The following CADM2 variants were observed in gnomAD, a reference collection of about 807,000 sequenced individuals.
CADM2 encodes cell adhesion molecule 2.
CADM2 carries 12 observed loss-of-function variants against 49.8 expected under a neutral mutation model. That is an observed-to-expected ratio of 0.24 (90% CI 0.15 to 0.39). The LOEUF (loss-of-function observed/expected upper bound fraction) is 0.39. CADM2 is among the 10% of genes least tolerant of loss of function. CADM2 has a pLI of 1.00. For synonymous variants in CADM2, 214 were observed against 175.4 expected, an observed-to-expected ratio of 1.22 and a Z score of -1.74; for missense variants, 378 against 492.3, an observed-to-expected ratio of 0.77 and a Z score of 2.20.
Position 86,013,194 on chromosome 3 carries a change from A to G in CADM2, c.970+51547A>G, listed in dbSNP as rs1020426365. ...AGACGAAATCAGGACTGAAACAGAA[A>G]AACATTGATGAAACTTCTGAGCAGG... On this transcript the variant is annotated intron_variant, in intron 8 of 9. Transcript: ENST00000383699. 5 of 1,376,964 alleles carry G rather than the reference A, an allele frequency of 3.6e-6. No homozygotes were observed. The African/African-American group carries it at 7.2e-5, about 20-fold the overall frequency. 85.3% of individuals were successfully genotyped at this position (1,376,964 alleles called of 1,614,324 possible).
intron 1 of CADM2, among the ~76,000 whole-genome samples, chr3:85,004,377 A>G (rs2033622981): frequency 6.6e-6 from 1 of 152,166 alleles, no homozygotes; most frequent in Non-Finnish European, 1.5e-5. Flanking sequence ...ATATTCACAA[A>G]GTACTTTTTT....
chr3:85,470,827 T>C (rs941475193), intron 1 of CADM2, among the ~76,000 whole-genome samples: 1 of 152,128 alleles, frequency 6.6e-6, no homozygotes. Flanking sequence ...AGCTTCCTCA[T>C]TTATCTCTCA....
At chr3:85,637,840 G>T (rs2064564862) in intron 1 of CADM2, among the ~76,000 whole-genome samples, 1 of 151,986 alleles carries the variant, frequency 6.6e-6, no homozygotes, top group Non-Finnish European at 1.5e-5. Flanking sequence ...AATAATATAT[G>T]AGGGAAGACA....
chr3:85,266,016 T>G (rs1576241375), intron 1 of CADM2, among the ~76,000 whole-genome samples: 1 of 151,922 alleles, frequency 6.6e-6, no homozygotes, highest in African/African-American at 2.4e-5. Flanking sequence ...AGTAACTTGT[T>G]TTCTATGCCC....
chr3:85,079,718 A>T (rs2037089442), intron 1 of CADM2, among the ~76,000 whole-genome samples: 1 of 151,942 alleles, frequency 6.6e-6, no homozygotes, highest in African/African-American at 2.4e-5. Context: ...AAAATAAAAA[A>T]AATTACATAG....
intron 1 of CADM2, among the ~76,000 whole-genome samples, chr3:85,271,060 G>T (rs1207291218): frequency 4.0e-5 from 6 of 151,248 alleles, no homozygotes; most frequent in Non-Finnish European, 4.4e-5. Context: ...CACTCTGACT[G>T]AAACACCATA....
At chr3:84,974,294 A>C (rs2031670158) in intron 1 of CADM2, among the ~76,000 whole-genome samples, 1 of 151,790 alleles carries the variant, frequency 6.6e-6, no homozygotes, top group Non-Finnish European at 1.5e-5. Flanking sequence ...ATAATAGTTC[A>C]GTTTAGGGAC....
chr3:85,327,893 C>A (rs2044800854), intron 1 of CADM2, among the ~76,000 whole-genome samples: 1 of 152,100 alleles, frequency 6.6e-6, no homozygotes, highest in Admixed American at 6.5e-5. Flanking sequence ...TAGCCACTAA[C>A]CCAGGCCCTT....
At chr3:85,583,991 G>A (rs2062865627) in intron 1 of CADM2, among the ~76,000 whole-genome samples, 1 of 151,788 alleles carries the variant, frequency 6.6e-6, no homozygotes. Flanking sequence ...CTGTTCATGA[G>A]GACATCCATA....
At chr3:85,527,514 C>A (rs1184164364) in intron 1 of CADM2, among the ~76,000 whole-genome samples, 1 of 150,648 alleles carries the variant, frequency 6.6e-6, no homozygotes, top group Non-Finnish European at 1.5e-5. Flanking sequence ...ATTTTCTACA[C>A]ACTATATATG....
chr3:85,709,219 AAT>A (rs756305771), intron 1 of CADM2, among the ~76,000 whole-genome samples: 5 of 152,136 alleles, frequency 3.3e-5, no homozygotes, highest in Non-Finnish European at 5.9e-5. Flanking sequence ...GAATTAAGTT[AAT>A]GAGTTAAATC....
rs1164773413 is a variant in CADM2 at position 85,977,779 on chromosome 3, T to G, written c.970+16132T>G. Reference sequence around the variant, plus strand: ...TGATTAATGCAGCACCACTGAGTTTTAAGAAGGTTGTTTTCTTAATCTGAC... The same window carrying G: ...TGATTAATGCAGCACCACTGAGTTTGAAGAAGGTTGTTTTCTTAATCTGAC... On this transcript the variant is annotated intron_variant, in intron 8 of 9. Coordinates refer to ENST00000383699, the MANE Select transcript of CADM2 (RefSeq NM_001167675.2). Among the ~76,000 whole-genome samples, 4 of 151,710 alleles carry G rather than the reference T, an allele frequency of 2.6e-5. No homozygotes were observed. The East Asian group carries it at 7.8e-4, about 30-fold the overall frequency.
intron 1 of CADM2, among the ~76,000 whole-genome samples, chr3:85,550,895 T>C (rs2061785590): frequency 6.6e-6 from 1 of 152,228 alleles, no homozygotes; most frequent in African/African-American, 2.4e-5. Flanking sequence ...TACATGGCTT[T>C]CCCAAATTTG....
At chr3:85,640,993 G>A (rs4507269) in intron 1 of CADM2, among the ~76,000 whole-genome samples, 31,198 of 151,896 alleles carry the variant, frequency 0.21, 3,669 homozygotes, top group East Asian at 0.53. Flanking sequence ...AACATTATTC[G>A]AAGAGTCAAC....
chr3:85,216,302 A>C (rs921372086), intron 1 of CADM2, among the ~76,000 whole-genome samples: 1 of 144,874 alleles, frequency 6.9e-6, no homozygotes, highest in African/African-American at 2.6e-5. Context: ...TAATATATTT[A>C]TATATATTTA....
intron 1 of CADM2, among the ~76,000 whole-genome samples, chr3:85,487,964 A>G (rs963588354): frequency 2.0e-5 from 3 of 152,180 alleles, no homozygotes; most frequent in African/African-American, 7.2e-5. Flanking sequence ...TACAATAGAT[A>G]TAACATTTAA....
At chr3:85,636,917 C>T (rs1341859525) in intron 1 of CADM2, among the ~76,000 whole-genome samples, 2 of 152,124 alleles carry the variant, frequency 1.3e-5, no homozygotes, top group African/African-American at 2.4e-5. Context: ...GTCTACACAA[C>T]AAAATGCTTG....
intron 1 of CADM2, among the ~76,000 whole-genome samples, chr3:85,159,831 A>G (rs559498759): frequency 6.6e-6 from 1 of 152,312 alleles, no homozygotes; most frequent in Non-Finnish European, 1.5e-5. Context: ...ATAAATTTCT[A>G]TATAAATAAT....
chr3:85,147,129 G>A (rs948629908), intron 1 of CADM2, among the ~76,000 whole-genome samples: 19 of 151,942 alleles, frequency 1.3e-4, no homozygotes, highest in Non-Finnish European at 2.4e-4. Context: ...AAGAAAATTA[G>A]CCGGGCATGG....
Sources: allele counts gnomAD v4.1 joint callset (sites outside exome capture counted in the v4.1 genomes callset), GRCh38; gene constraint gnomAD v4.1.1; transcripts MANE v1.5; gene names NCBI Gene and HGNC (gene_info 2026-07-23, HGNC 2026-07-21).